Variants in PRKN observed in about 807,000 individuals in gnomAD.
PRKN encodes E3 ubiquitin-protein ligase parkin.
In PRKN, 56 loss-of-function variants were observed where a neutral mutation model predicts 59.5. The ratio of observed to expected loss-of-function variants is 0.94; its 90% CI spans 0.76 to 1.18. The LOEUF (loss-of-function observed/expected upper bound fraction) is 1.18, where lower values mean the gene tolerates loss of function less well. Among genes scored for constraint, PRKN ranks in the 50% most tolerant of loss-of-function variants. PRKN has a pLI of 0.00. For missense variants in PRKN, 657 were observed against 596.4 expected (o/e 1.10, Z -1.06); for synonymous variants, 250 against 222.1 (o/e 1.13, Z -1.12).
At chr6:161,978,016 G>GTATTT (rs141793186) in intron 5 of PRKN, among the ~76,000 whole-genome samples, 1,493 of 148,522 alleles carry the variant, frequency 0.01, 22 homozygotes, top group African/African-American at 0.037. Flanking sequence ...TTATTTTATT[G>GTATTT]TATTTTATTT....
At chr6:162,224,880 T>C (rs947124734) in intron 3 of PRKN, among the ~76,000 whole-genome samples, 2 of 152,150 alleles carry the variant, frequency 1.3e-5, no homozygotes, top group African/African-American at 4.8e-5. Flanking sequence ...CATTTTCTGA[T>C]CAAATTTTAT....
chr6:161,897,923 C>T (rs530251309), intron 6 of PRKN, among the ~76,000 whole-genome samples: 77 of 116,878 alleles, frequency 6.6e-4, no homozygotes, highest in South Asian at 1.4e-3. Context: ...GCTGAGATCG[C>T]GCCACTGCAC....
At chr6:162,339,847 T>G in intron 2 of PRKN, among the ~76,000 whole-genome samples, 1 of 148,884 alleles carries the variant, frequency 6.7e-6, no homozygotes, top group East Asian at 2.0e-4. Flanking sequence ...CCCCCAACCC[T>G]GTGCTCTCTG....
intron 1 of PRKN, among the ~76,000 whole-genome samples, chr6:162,696,559 C>G (rs1274489873): frequency 9.2e-6 from 1 of 108,510 alleles, no homozygotes; most frequent in East Asian, 3.1e-4. Context: ...TCAGGAAAAA[C>G]TTTTTTTTTT....
chr6:162,664,564 T>C (rs1333126154), intron 1 of PRKN, among the ~76,000 whole-genome samples: 4 of 152,192 alleles, frequency 2.6e-5, no homozygotes, highest in African/African-American at 9.7e-5. Flanking sequence ...TATTGTTTCC[T>C]GACTTTTTAA....
chr6:162,650,597 C>CAAA (rs142452684), intron 1 of PRKN, among the ~76,000 whole-genome samples: 12 of 95,328 alleles, frequency 1.3e-4, no homozygotes, highest in East Asian at 6.1e-4. Flanking sequence ...GACTCCGTCT[C>CAAA]AAAAAAAAAA....
intron 3 of PRKN, among the ~76,000 whole-genome samples, chr6:162,239,122 C>A (rs778327131): frequency 2.6e-5 from 4 of 152,094 alleles, no homozygotes; most frequent in Non-Finnish European, 5.9e-5. Flanking sequence ...TCACTGAATA[C>A]AATTAGTATA....
rs533517074 is a variant in PRKN, at chr6:162,283,365, T to C, written c.172-20600A>G. Among the ~76,000 whole-genome samples the C allele has an allele frequency of 4.7e-4, 71 of 151,618 alleles. 1 individual carries two copies. The highest frequency in any genetic ancestry group is 1.3e-3 in the African/African-American group (52 of 40,866). On this transcript the variant is annotated intron_variant, in intron 2 of 11. Coordinates refer to ENST00000366898, the MANE Select transcript of PRKN (RefSeq NM_004562.3). ...ATCATATTTCAATCCAACTGAAATG[T>C]ACGTGTGAGTGTGTGTGTTTGTATG... is the stretch of plus-strand genomic sequence containing the variant.
chr6:162,293,612 G>C lies in PRKN; in HGVS notation c.172-30847C>G, dbSNP rs560645985. Among the ~76,000 whole-genome samples the C allele has an allele frequency of 7.2e-5, 11 of 152,218 alleles. No homozygotes were observed. The South Asian group carries it at 2.3e-3, about 32-fold the overall frequency. On this transcript the variant is annotated intron_variant, in intron 2 of 11. Transcript: ENST00000366898. Reference sequence around the variant, plus strand: ...AGTGCTCTTCCTCCACCTCAAGCCCGGTGGAAGCCAGGGGATGACTCAGAG... The same window carrying C: ...AGTGCTCTTCCTCCACCTCAAGCCCCGTGGAAGCCAGGGGATGACTCAGAG...
At chr6:162,430,162 G>A (rs1789442852) in intron 2 of PRKN, among the ~76,000 whole-genome samples, 3 of 130,338 alleles carry the variant, frequency 2.3e-5, no homozygotes, top group Admixed American at 7.2e-5. Flanking sequence ...TGACGATGAC[G>A]ACGACGACGA....
intron 7 of PRKN, among the ~76,000 whole-genome samples, chr6:161,679,237 C>G (rs1785207599): frequency 6.6e-6 from 1 of 152,166 alleles, no homozygotes; most frequent in African/African-American, 2.4e-5. Context: ...AGCTTCGGTG[C>G]CTATAGGACT....
intron 7 of PRKN, among the ~76,000 whole-genome samples, chr6:161,639,250 G>A (rs769904791): frequency 1.3e-5 from 2 of 152,178 alleles, no homozygotes; most frequent in Non-Finnish European, 2.9e-5. Flanking sequence ...TGGACAAATA[G>A]ACCTAGTCTC....
intron 6 of PRKN, among the ~76,000 whole-genome samples, chr6:161,800,715 T>C (rs901917745): frequency 1.3e-5 from 2 of 152,070 alleles, no homozygotes; most frequent in Non-Finnish European, 2.9e-5. Flanking sequence ...GTGACGGCAC[T>C]GGGGGACAAA....
intron 2 of PRKN, among the ~76,000 whole-genome samples, chr6:162,390,997 T>A (rs550599871): frequency 6.6e-6 from 1 of 152,314 alleles, no homozygotes; most frequent in African/African-American, 2.4e-5. Flanking sequence ...GATGCTGAAT[T>A]TTCTTTAGTC....
At chr6:162,160,982 T>A (rs55820779) in intron 4 of PRKN, among the ~76,000 whole-genome samples, 1 of 151,512 alleles carries the variant, frequency 6.6e-6, no homozygotes, top group African/African-American at 2.4e-5. Context: ...AAGAGGCACC[T>A]TATGCAGAAA....
intron 1 of PRKN, among the ~76,000 whole-genome samples, chr6:162,586,945 A>G (rs1304261631): frequency 1.3e-5 from 2 of 152,140 alleles, no homozygotes; most frequent in Non-Finnish European, 2.9e-5. Flanking sequence ...ATGCAGACAC[A>G]ATGCAGGCAT....
At chr6:162,385,398 C>G (rs1005107784) in intron 2 of PRKN, among the ~76,000 whole-genome samples, 2 of 152,178 alleles carry the variant, frequency 1.3e-5, no homozygotes, top group Non-Finnish European at 2.9e-5. Flanking sequence ...TGTCACCACA[C>G]AAAAACTTTC....
chr6:162,000,324 G>C (rs1474379728), intron 5 of PRKN, among the ~76,000 whole-genome samples: 1 of 151,918 alleles, frequency 6.6e-6, no homozygotes, highest in African/African-American at 2.4e-5. Flanking sequence ...TCAGTGTCCT[G>C]GATTTTGGCC....
rs1047567423 is a variant in PRKN at position 161,402,728 on chromosome 6, C to T, written c.1084-15851G>A. On this transcript the variant is annotated intron_variant, in intron 9 of 11. Transcript: ENST00000366898. This position sits in a 1 kb window ranked among gnomAD's most constrained non-coding sequence, Gnocchi z 4.5. ...TCCTAGATACAGAAAAGAACAGGGGCTTGGGGATTCTTGTGAGGGGGAGGA... is the reference window on the plus strand; with the variant it reads ...TCCTAGATACAGAAAAGAACAGGGGTTTGGGGATTCTTGTGAGGGGGAGGA... 2.0e-5 allele frequency among the ~76,000 whole-genome samples: 3 copies of T among 151,826 alleles called. No homozygotes were observed. Among genetic ancestry groups the T allele is most frequent in the African/African-American group, 7.3e-5 (3 of 41,298 alleles).
Sources: allele counts gnomAD v4.1 joint callset (sites outside exome capture counted in the v4.1 genomes callset), GRCh38; gene constraint gnomAD v4.1.1; non-coding constraint Gnocchi (gnomAD v3.1); transcripts MANE v1.5; gene names NCBI Gene and HGNC (gene_info 2026-07-23, HGNC 2026-07-21).